Variants in TKFC observed in about 807,000 individuals in gnomAD.
TKFC encodes the protein triokinase/FMN cyclase.
Under a neutral mutation model 61.0 loss-of-function variants are expected in TKFC, and 46 were observed. That is an observed-to-expected ratio of 0.75 (90% CI 0.60 to 0.96). The LOEUF is 0.96. TKFC is among the 50% of genes least tolerant of loss of function. The pLI is 0.00. For synonymous variants in TKFC, 314 were observed against 330.1 expected, an observed-to-expected ratio of 0.95 and a Z score of 0.53; for missense variants, 715 against 777.5, an observed-to-expected ratio of 0.92 and a Z score of 0.96.
rs1409412250 is a variant in TKFC at position 61,346,112 on chromosome 11, A to AT, written c.1575+167dup. 161 of 1,152,328 alleles carry AT rather than the reference A, an allele frequency of 1.4e-4. No individual in the cohort carries two copies. The highest frequency in any genetic ancestry group is 1.9e-4 in the Non-Finnish European group (158 of 833,718). The allele number at this position is 1,152,328 out of a possible 1,614,324, so 71.4% of individuals were successfully genotyped here. ...AGAAGGTGGTTATGTGGCTAAGGAA[A>AT]TATGTAGAGCCCCGCACACTGCCTG... On this transcript the variant is annotated intron_variant, in intron 17 of 17. Transcript: ENST00000394900. This position sits in a 1 kb window ranked among gnomAD's most constrained non-coding sequence, Gnocchi z 4.1.
At chr11:61,350,434 G>A (rs1857343757), downstream of TKFC, 1 of 1,611,366 alleles carries the variant, frequency 6.2e-7, no homozygotes, top group African/African-American at 1.3e-5. Flanking sequence ...TGGAAAGAGA[G>A]GCAGATGCCC....
chr11:61,333,609 C>G (rs1856473498), intron 1 of TKFC: 2 of 152,286 alleles, frequency 1.3e-5, no homozygotes, highest in African/African-American at 4.8e-5. Context: ...CTCACCTCCT[C>G]CCTTTTGCGC....
Position 61,346,447 on chromosome 11 carries a change from G to C in TKFC, c.1672G>C (p.Gly558Arg). Residue 558 changes from glycine to arginine, a missense_variant, in exon 18 of 18, where the codon GGG becomes CGG. Physicochemically the swap from Gly to Arg is moderately radical, Grantham distance 125. Transcript: ENST00000394900. The surrounding 1 kb of genome is among the most constrained non-coding windows in gnomAD (Gnocchi z 4.1). ...SSARLEQPDP[G>R]AVAAAAILRA... ...AGCACGGCTGGAGCAGCCAGACCCC[G>C]GGGCGGTGGCAGCTGCTGCCATCCT... The C allele has an allele frequency of 6.2e-7, 1 of 1,610,756 alleles. No homozygotes were observed. The highest frequency in any genetic ancestry group is 8.5e-7 in the Non-Finnish European group (1 of 1,179,558).
Position 61,338,053 on chromosome 11 carries a change from G to C in TKFC, c.116G>C (p.Arg39Pro). The change falls in exon 3 of 18, where the codon CGT becomes CCT. Residue 39 changes from arginine (R) to proline (P), a missense_variant. By Grantham distance (103) the Arg-to-Pro change is moderately radical. Coordinates refer to ENST00000394900, the MANE Select transcript of TKFC (RefSeq NM_015533.4). ...QLLQGHRVAL[R>P]SDLDSLKGRV... ...CTGCAGGGCCACCGCGTGGCCCTCC[G>C]TTCTGACCTGGACAGCCTCAAGGGC... 6.2e-7 allele frequency: 1 copy of C among 1,612,578 alleles called. No individual in the cohort carries two copies. The highest frequency in any genetic ancestry group is 8.5e-7 in the Non-Finnish European group (1 of 1,179,792).
At chr11:61,351,227 CAG>C (rs1392636838), downstream of TKFC, 2 of 1,441,912 alleles carry the variant, frequency 1.4e-6, no homozygotes, top group East Asian at 2.6e-5. Context: ...ATGTCACTAA[CAG>C]AGGGTGAGAA....
At position 61,349,044 on chromosome 11, in the gene TKFC, T is replaced by A; in HGVS notation, c.*2541T>A. 1 of 159,320 alleles carries A rather than the reference T, an allele frequency of 6.3e-6. No individual in the cohort carries two copies. Among genetic ancestry groups the A allele is most frequent in the Non-Finnish European group, 1.4e-5 (1 of 71,804 alleles). 9.9% of individuals were successfully genotyped at this position (159,320 alleles called of 1,614,324 possible). A position where few individuals can be genotyped will look rare whatever the true frequency, so the allele number is the denominator to read the frequency against. On this transcript the variant is annotated 3_prime_UTR_variant, in exon 18 of 18. Transcript: ENST00000394900. ...GTAGGATGCTGATGCTGCCAGAGAG[T>A]AGGTGGGCTCCAAACCCCAGGCTTC...
chr11:61,353,002 C>T, downstream of TKFC: 1 of 1,614,122 alleles, frequency 6.2e-7, no homozygotes, highest in Non-Finnish European at 8.5e-7. Context: ...AGAAAAGCTT[C>T]TCATTAATGC....
At position 61,347,394 on chromosome 11, in the gene TKFC, TAGCC is replaced by T; in HGVS notation, c.*894_*897del. ...CTGTCTCTACCAAAAAATACAAAAT[TAGCC>T]AGGCATAGTAGTGTGTGCCTATAGT... is the stretch of plus-strand genomic sequence containing the variant. On this transcript the variant is annotated 3_prime_UTR_variant, in exon 18 of 18. Transcript: ENST00000394900. The T allele has an allele frequency of 1.2e-6, 1 of 858,128 alleles. No individual in the cohort carries two copies. Among genetic ancestry groups the T allele is most frequent in the Non-Finnish European group, 1.4e-6 (1 of 714,124 alleles). 53.2% of individuals were successfully genotyped at this position (858,128 alleles called of 1,614,324 possible). A position where few individuals can be genotyped will look rare whatever the true frequency, so the allele number is the denominator to read the frequency against.
At position 61,346,350 on chromosome 11, in the gene TKFC, G is replaced by A. The variant is rs1190407968; in HGVS notation, c.1576-1G>A. The stretch of plus-strand genomic sequence containing the variant: ...ACCTGCTCCCACACCCCATCCCCCA[G>A]AGTGCCGAAGCTGCAGCCGAGGCCA... On this transcript the variant is annotated splice_acceptor_variant, in intron 17 of 17. Transcript: ENST00000394900. LOFTEE classifies it high-confidence loss of function. The surrounding 1 kb of genome is among the most constrained non-coding windows in gnomAD (Gnocchi z 4.1). 3.1e-6 allele frequency: 5 copies of A among 1,612,346 alleles called. No homozygotes were observed. The highest frequency in any genetic ancestry group is 4.2e-6 in the Non-Finnish European group (5 of 1,179,998).
chr11:61,349,291 G>A (rs1295099204), downstream of TKFC: 3 of 466,306 alleles, frequency 6.4e-6, no homozygotes, highest in Non-Finnish European at 1.2e-5. Flanking sequence ...AAGCAATGTG[G>A]GTCTCAGCAA....
In TKFC at chr11:61,344,206, C is replaced by G. The variant is rs372186172; in HGVS notation, c.1173C>G (p.His391Gln). The change falls in exon 13 of 18, where the codon CAC becomes CAG. Residue 391 changes from histidine (H) to glutamine (Q), a missense_variant. Transcript: ENST00000394900. ...GCACTCTCCTGGGCCTGGAGGAACA[C>G]CTGAATGCCCTGGACCGGGCTGCTG... ...VCSTLLGLEE[H>Q]LNALDRAAGD... The G allele has an allele frequency of 1.5e-5, 24 of 1,612,676 alleles. No homozygotes were observed. Among genetic ancestry groups the G allele is most frequent in the Non-Finnish European group, 1.9e-5 (22 of 1,180,036 alleles).
In TKFC at chr11:61,333,271, C is replaced by G. The variant is rs919137639; in HGVS notation, c.-168C>G. On this transcript the variant is annotated 5_prime_UTR_variant, in exon 1 of 18. Transcript: ENST00000394900. ...CGGATGAGAGCGCACGCTTCGGGGT[C>G]TCCGGGAAGTCGCGGCGCCTTCGGA... 3 of 277,630 alleles carry G rather than the reference C, an allele frequency of 1.1e-5. No homozygotes were observed. Among genetic ancestry groups the G allele is most frequent in the Non-Finnish European group, 2.0e-5 (3 of 149,186 alleles). The allele number at this position is 277,630 out of a possible 1,614,324, so 17.2% of individuals were successfully genotyped here.
chr11:61,342,269 T>C (rs1361788675), intron 7 of TKFC, 192 bp from the exon 8 acceptor site: 11 of 721,170 alleles, frequency 1.5e-5, no homozygotes, highest in Non-Finnish European at 2.4e-5. Flanking sequence ...CTATCTCTAG[T>C]TAAAGCTATC....
At position 61,347,995 on chromosome 11, in the gene TKFC, G is replaced by A. The variant is rs1025448009; in HGVS notation, c.*1492G>A. ...AGAGCCTCCTGCCCTCCCAACCCCC[G>A]TCACCTACTTGGCCCAAATTTGGCT... On this transcript the variant is annotated 3_prime_UTR_variant, in exon 18 of 18. Transcript: ENST00000394900. 2.8e-5 allele frequency: 28 copies of A among 985,280 alleles called. No individual in the cohort carries two copies. The highest frequency in any genetic ancestry group is 5.2e-4 in the Middle Eastern group (1 of 1,914). 61.0% of individuals were successfully genotyped at this position (985,280 alleles called of 1,614,324 possible). A position where few individuals can be genotyped will look rare whatever the true frequency, so the allele number is the denominator to read the frequency against.
In TKFC at chr11:61,333,232, G is replaced by T; in HGVS notation, c.-207G>T. On this transcript the variant is annotated 5_prime_UTR_variant, in exon 1 of 18. Coordinates refer to ENST00000394900, the MANE Select transcript of TKFC (RefSeq NM_015533.4). ...GGCACCGCCTCGCCTCTTTCCGCCA[G>T]CGCCCGCAGGACCCGGATGAGAGCG... is the stretch of plus-strand genomic sequence containing the variant. The T allele has an allele frequency of 5.8e-6, 2 of 342,476 alleles. No homozygotes were observed. Among genetic ancestry groups the T allele is most frequent in the Non-Finnish European group, 1.1e-5 (2 of 189,934 alleles). 21.2% of individuals were successfully genotyped at this position (342,476 alleles called of 1,614,324 possible). A position where few individuals can be genotyped will look rare whatever the true frequency, so the allele number is the denominator to read the frequency against.
intron 2 of TKFC, among the ~76,000 whole-genome samples, chr11:61,335,092 C>T (rs1226716298): frequency 6.6e-6 from 1 of 152,220 alleles, no homozygotes; most frequent in African/African-American, 2.4e-5. Flanking sequence ...CGTTCCTAAC[C>T]TTGGGGCTTA....
At chr11:61,342,516 A>T (rs1305395251) in intron 8 of TKFC, 21 bp downstream of exon 8, 3 of 1,613,986 alleles carry the variant, frequency 1.9e-6, no homozygotes, top group Non-Finnish European at 2.5e-6. Context: ...CCTCTGGCAC[A>T]GGCCGCCCTA....
downstream of TKFC, chr11:61,352,865 G>A: frequency 6.4e-7 from 1 of 1,562,020 alleles, no homozygotes; most frequent in South Asian, 1.2e-5. Flanking sequence ...TCCAGATCAG[G>A]AGTGGACCCA....
chr11:61,341,454 G>A lies in TKFC; in HGVS notation c.505G>A (p.Glu169Lys). 6.4e-7 allele frequency: 1 copy of A among 1,554,508 alleles called. No homozygotes were observed. Among genetic ancestry groups the A allele is most frequent in the Non-Finnish European group, 8.7e-7 (1 of 1,148,366 alleles). The change falls in exon 6 of 18, where the codon GAG becomes AAG. Residue 169 changes from glutamate (E) to lysine (K), a missense_variant. Transcript: ENST00000394900. The part of the protein sequence containing the change: ...LIHKVAGALA[E>K]AGVGLEEIAK... The stretch of plus-strand genomic sequence containing the variant: ...GCTGCAGGTGGCAGGTGCTCTGGCT[G>A]AGGCTGGTGTGGGGCTGGAGGAGAT...
Sources: gnomAD v4.1 joint callset for allele counts (sites outside exome capture counted in the v4.1 genomes callset) on GRCh38, gnomAD v4.1.1 for gene constraint, Gnocchi (gnomAD v3.1) non-coding constraint, MANE v1.5 for transcripts, NCBI Gene and HGNC (gene_info 2026-07-23, HGNC 2026-07-21) for gene names.